Variants in FAM163B observed in about 807,000 individuals in gnomAD.
FAM163B encodes protein FAM163B.
Under a neutral mutation model 7.6 loss-of-function variants are expected in FAM163B, and 4 were observed. That is an observed-to-expected ratio of 0.52 (90% CI 0.26 to 1.20). The LOEUF (loss-of-function observed/expected upper bound fraction) is 1.20, where lower values mean the gene tolerates loss of function less well. FAM163B is among the 50% of genes most tolerant of loss of function. The probability of loss-of-function intolerance (pLI) is 0.14; values close to 1 mark genes in which losing one functional copy is unlikely to be tolerated. For missense variants in FAM163B, 250 were observed against 243.0 expected (o/e 1.03, Z -0.19); for synonymous variants, 120 against 111.6 (o/e 1.07, Z -0.47).
rs1233452396 is a variant in FAM163B, at chr9:133,577,756, C to A, written c.*1266G>T. 2.0e-5 allele frequency among the ~76,000 whole-genome samples: 3 copies of A among 152,170 alleles called. No individual in the cohort carries two copies. The highest frequency in any genetic ancestry group is 4.4e-5 in the Non-Finnish European group (3 of 68,028). The stretch of plus-strand genomic sequence containing the variant: ...CCTCTTTCTGGGTGAGGAAGAGCTG[C>A]CTTCCTGATGGCTGGTGTCCTGGGA... On this transcript the variant is annotated 3_prime_UTR_variant, in exon 3 of 3. Coordinates refer to ENST00000673969, the MANE Select transcript of FAM163B (RefSeq NM_001080515.3).
chr9:133,588,608 G>A (rs28597082), intron 1 of FAM163B, among the ~76,000 whole-genome samples: 10 of 1,530 alleles, frequency 6.5e-3, no homozygotes, highest in East Asian at 0.014. Context: ...AGGGATCTAG[G>A]ATGCTGAAGG....
At chr9:133,584,324 C>T (rs1399481354) in intron 1 of FAM163B, among the ~76,000 whole-genome samples, 1 of 152,156 alleles carries the variant, frequency 6.6e-6, no homozygotes, top group East Asian at 1.9e-4. Context: ...TCCTGCTCTA[C>T]TCTTGCGGGT....
In FAM163B at chr9:133,579,058, G is replaced by T; in HGVS notation, c.465C>A (p.Ala155=). 6.3e-7 allele frequency: 1 copy of T among 1,580,302 alleles called. No homozygotes were observed. The highest frequency in any genetic ancestry group is 8.6e-7 in the Non-Finnish European group (1 of 1,166,606). Residue 155 remains alanine (A), a synonymous_variant, in exon 3 of 3, where the codon GCC becomes GCA. Coordinates refer to ENST00000673969, the MANE Select transcript of FAM163B (RefSeq NM_001080515.3). Reference sequence around the variant, plus strand: ...TGCTGATGCTGCGGCTCCTGGCGAAGGCCTCCCGCATGGCTGAGAGGCGGT... The same window carrying T: ...TGCTGATGCTGCGGCTCCTGGCGAATGCCTCCCGCATGGCTGAGAGGCGGT... The part of the protein sequence containing the change: ...NPNRLSAMRE[A]FARSRSISTD...
intron 1 of FAM163B, among the ~76,000 whole-genome samples, chr9:133,599,677 ATG>A (rs960676456): frequency 6.7e-6 from 1 of 149,752 alleles, no homozygotes; most frequent in Non-Finnish European, 1.5e-5. Context: ...ATGTGTGCAT[ATG>A]TGTCAGTGTG....
chr9:133,593,567 T>C (rs1831586920), intron 1 of FAM163B, among the ~76,000 whole-genome samples: 1 of 152,022 alleles, frequency 6.6e-6, no homozygotes, highest in Non-Finnish European at 1.5e-5. Context: ...TGCCTGGGAG[T>C]CAGAAAGGCT....
At chr9:133,591,604 G>T (rs1831553275) in intron 1 of FAM163B, among the ~76,000 whole-genome samples, 1 of 152,214 alleles carries the variant, frequency 6.6e-6, no homozygotes, top group Non-Finnish European at 1.5e-5. Flanking sequence ...AAACCTGGCT[G>T]CGGGCGCTAC....
intron 1 of FAM163B, among the ~76,000 whole-genome samples, chr9:133,585,198 A>AC (rs1209893105): frequency 6.6e-6 from 1 of 152,160 alleles, no homozygotes; most frequent in Non-Finnish European, 1.5e-5. Flanking sequence ...CGGCACCGGC[A>AC]CCGAGGAATG....
rs2131268634 is a variant in FAM163B at position 133,609,144 on chromosome 9, G to A, written c.-91C>T. Among the ~76,000 whole-genome samples, 1 of 152,104 alleles carries A rather than the reference G, an allele frequency of 6.6e-6. No homozygotes were observed. The highest frequency in any genetic ancestry group is 6.5e-5 in the Admixed American group (1 of 15,290). ...GGCGCACGTGACGGGGCGGGCGGGC[G>A]TCCGACCCGGGCAGGGCGCAGCTAG... is the stretch of plus-strand genomic sequence containing the variant. On this transcript the variant is annotated 5_prime_UTR_variant, in exon 1 of 3. It adds an upstream start codon to the 5' untranslated region. Transcript: ENST00000673969.
intron 2 of FAM163B, 77 bp downstream of exon 2, chr9:133,580,054 A>T: frequency 7.9e-7 from 1 of 1,259,036 alleles, no homozygotes; most frequent in Non-Finnish European, 1.1e-6. Context: ...TGTGACCTTC[A>T]GGCGGGGCTC....
chr9:133,585,938 C>A (rs1051481272), intron 1 of FAM163B: 79 of 152,368 alleles, frequency 5.2e-4, no homozygotes, highest in African/African-American at 1.6e-3. Flanking sequence ...CTTTTCTCCA[C>A]AAACACATCT....
chr9:133,591,252 C>T (rs1336879340), intron 1 of FAM163B, among the ~76,000 whole-genome samples: 2 of 152,242 alleles, frequency 1.3e-5, no homozygotes, highest in Non-Finnish European at 2.9e-5. Context: ...TCTCCCAGCC[C>T]TCTCCATCCT....
intron 1 of FAM163B, among the ~76,000 whole-genome samples, chr9:133,607,037 G>A (rs959915162): frequency 3.3e-5 from 5 of 152,186 alleles, no homozygotes; most frequent in African/African-American, 4.8e-5. Context: ...GGGTTGGCAC[G>A]GACTGGGGGC....
At chr9:133,602,162 C>G (rs1831738493) in intron 1 of FAM163B, among the ~76,000 whole-genome samples, 1 of 151,904 alleles carries the variant, frequency 6.6e-6, no homozygotes, top group African/African-American at 2.4e-5. Flanking sequence ...TGCCCAAGAC[C>G]CGCCATATAA....
chr9:133,588,630 T>TAAGGGATCTAGCATGTC (rs1831483695), intron 1 of FAM163B, among the ~76,000 whole-genome samples: 1 of 152,274 alleles, frequency 6.6e-6, no homozygotes, highest in Non-Finnish European at 1.5e-5. Context: ...TCTAGCATGT[T>TAAGGGATCTAGCATGTC]GAGGGATCTA....
rs762694531 is a variant in FAM163B, at chr9:133,585,229, G to A, written c.-23-4983C>T. 9.2e-3 allele frequency among the ~76,000 whole-genome samples: 1,397 copies of A among 152,332 alleles called. 12 individuals are homozygous for A. Among genetic ancestry groups the A allele is most frequent in the Non-Finnish European group, 0.011 (767 of 68,020 alleles). On this transcript the variant is annotated intron_variant, in intron 1 of 2. Transcript: ENST00000673969. ...GAATGAATGGCGTGGAGCTGGGGGT[G>A]GGGCAGGAAACACCTGGCAGCAGAG...
chr9:133,585,338 C>T (rs1396078826), intron 1 of FAM163B, among the ~76,000 whole-genome samples: 1 of 152,248 alleles, frequency 6.6e-6, no homozygotes, highest in Non-Finnish European at 1.5e-5. Flanking sequence ...CTGCTAACCA[C>T]CATCTGGGCC....
chr9:133,591,304 C>G (rs1831548684), intron 1 of FAM163B, among the ~76,000 whole-genome samples: 1 of 152,254 alleles, frequency 6.6e-6, no homozygotes, highest in Non-Finnish European at 1.5e-5. Flanking sequence ...AGGCCAGGAA[C>G]CAGGTGCTGT....
Position 133,604,759 on chromosome 9 carries a change from ATGCTGCTGC to A in FAM163B, c.-24+4309_-24+4317del, listed in dbSNP as rs57205982. On this transcript the variant is annotated intron_variant, in intron 1 of 2. Coordinates refer to ENST00000673969, the MANE Select transcript of FAM163B (RefSeq NM_001080515.3). ...CTGCATTTCTCACGGGTTCCTAGGG[ATGCTGCTGC>A]TGCTGCTGCTGGTCCCCGAACCCCA... Among the ~76,000 whole-genome samples the A allele has an allele frequency of 4.9e-4, 74 of 151,670 alleles. 2 individuals are homozygous for A. The South Asian group carries it at 0.014, about 29-fold the overall frequency.
intron 1 of FAM163B, among the ~76,000 whole-genome samples, chr9:133,602,739 A>G (rs1470322988): frequency 6.6e-6 from 1 of 152,224 alleles, no homozygotes. Flanking sequence ...GCTTCTGCAT[A>G]ATGAGTCTTT....
Sources: allele counts gnomAD v4.1 joint callset (sites outside exome capture counted in the v4.1 genomes callset), GRCh38; gene constraint gnomAD v4.1.1; transcripts MANE v1.5; gene names NCBI Gene and HGNC (gene_info 2026-07-23, HGNC 2026-07-21).